The following SCARF1 variants were observed in gnomAD, a reference collection of about 807,000 sequenced individuals.
SCARF1 encodes scavenger receptor class F member 1.
SCARF1 carries 49 observed loss-of-function variants against 76.3 expected under a neutral mutation model. That is an observed-to-expected ratio of 0.64 (90% CI 0.51 to 0.81). The LOEUF is 0.81. Ranked by LOEUF, SCARF1 falls within the 40% of genes least tolerant of loss-of-function variation. The pLI is 0.00. For missense variants in SCARF1, 1,098 were observed against 1,143.9 expected (o/e 0.96, Z 0.58); for synonymous variants, 495 against 474.6 (o/e 1.04, Z -0.56).
Position 1,644,722 on chromosome 17 carries a change from G to A in SCARF1, c.265+112C>T, listed in dbSNP as rs1399586895. Reference sequence around the variant, plus strand: ...GCAATTCCTCAGTGAAGCTGGGGGGGATTCTGGCCCTGCTGTCCTGAGGCT... The same window carrying A: ...GCAATTCCTCAGTGAAGCTGGGGGGAATTCTGGCCCTGCTGTCCTGAGGCT... On this transcript the variant is annotated intron_variant, in intron 3 of 10. Coordinates refer to ENST00000263071, the MANE Select transcript of SCARF1 (RefSeq NM_003693.4). This position sits in a 1 kb window ranked among gnomAD's most constrained non-coding sequence, Gnocchi z 4.8. 5.1e-6 allele frequency: 5 copies of A among 979,832 alleles called. No individual in the cohort carries two copies. Among genetic ancestry groups the A allele is most frequent in the South Asian group, 2.9e-5 (2 of 69,806 alleles). The allele number at this position is 979,832 out of a possible 1,614,324, so 60.7% of individuals were successfully genotyped here.
Position 1,644,895 on chromosome 17 carries a change from C to T in SCARF1, c.204G>A (p.Val68=). The T allele has an allele frequency of 1.2e-6, 2 of 1,613,562 alleles. No homozygotes were observed. Among genetic ancestry groups the T allele is most frequent in the Non-Finnish European group, 1.7e-6 (2 of 1,179,960 alleles). Residue 68 remains valine, a synonymous_variant, in exon 3 of 11, where the codon GTG becomes GTA. Transcript: ENST00000263071. This position sits in a 1 kb window ranked among gnomAD's most constrained non-coding sequence, Gnocchi z 4.8. ...EGPDACQKDE[V]CVKPGLCRCK... Reference sequence around the variant, plus strand: ...ATCGACAGAGGCCCGGCTTCACACACACCTCGTCTTTCTGGCAGGCGTCCG... The same window carrying T: ...ATCGACAGAGGCCCGGCTTCACACATACCTCGTCTTTCTGGCAGGCGTCCG...
chr17:1,643,105 G>C (rs908791006), intron 4 of SCARF1, among the ~76,000 whole-genome samples: 1 of 143,174 alleles, frequency 7.0e-6, no homozygotes, highest in Non-Finnish European at 1.5e-5. Flanking sequence ...ACCTGTCTCC[G>C]CTCCGCCCCG....
rs564168545 is a variant in SCARF1 at position 1,644,916 on chromosome 17, G to A, written c.183C>T (p.Asp61=). ...ECTIPICEGP[D]ACQKDEVCVK... ...CACACACCTCGTCTTTCTGGCAGGCGTCCGGCCCCTCACAGATGGCTGAAA... is the reference window on the plus strand; with the variant it reads ...CACACACCTCGTCTTTCTGGCAGGCATCCGGCCCCTCACAGATGGCTGAAA... Residue 61 remains aspartate (D), a synonymous_variant, in exon 3 of 11, where the codon GAC becomes GAT. Transcript: ENST00000263071. The surrounding 1 kb of genome is among the most constrained non-coding windows in gnomAD (Gnocchi z 4.8). 1.1e-5 allele frequency: 18 copies of A among 1,613,266 alleles called. No individual in the cohort carries two copies. Among genetic ancestry groups the A allele is most frequent in the Middle Eastern group, 1.6e-4 (1 of 6,062 alleles).
chr17:1,640,462 G>A lies in SCARF1; in HGVS notation c.996C>T (p.Gly332=), dbSNP rs1372546675. 3.2e-6 allele frequency: 5 copies of A among 1,559,084 alleles called. No homozygotes were observed. In the African/African-American group the frequency reaches 4.1e-5, roughly 13 times the overall value. The change falls in exon 5 of 11, where the codon GGC becomes GGT. Residue 332 remains glycine (G), a synonymous_variant. Coordinates refer to ENST00000263071, the MANE Select transcript of SCARF1 (RefSeq NM_003693.4). This position sits in a 1 kb window ranked among gnomAD's most constrained non-coding sequence, Gnocchi z 4.7. ...DTGHCQRCDP[G]WLGPRCEDPC... is the part of the protein sequence containing the mutation. ...GGTGCCCTCACCTGGGCCCCAGCCA[G>A]CCAGGGTCACAGCGCTGACAGTGGC...
At position 1,635,018 on chromosome 17, in the gene SCARF1, G is replaced by A. The variant is rs1291541706; in HGVS notation, c.2233C>T (p.Leu745Phe). The change falls in exon 11 of 11, where the codon CTT becomes TTT. Residue 745 changes from leucine (L) to phenylalanine (F), a missense_variant. Leu to Phe is a conservative substitution (Grantham distance 22). Transcript: ENST00000263071. Reference sequence around the variant, plus strand: ...CTCTGGCCGACAGAGCCAGAGGCAAGGCCAGGGCTGCCCTTTTTCCGATTC... The same window carrying A: ...CTCTGGCCGACAGAGCCAGAGGCAAAGCCAGGGCTGCCCTTTTTCCGATTC... ...ALNRKKGSPG[L>F]ASGSVGQSPN... 8.7e-6 allele frequency: 14 copies of A among 1,613,772 alleles called. No individual in the cohort carries two copies. In the African/African-American group the frequency reaches 1.3e-4, roughly 15 times the overall value.
At chr17:1,637,362 ATC>A (rs368438839) in intron 8 of SCARF1, among the ~76,000 whole-genome samples, 1 of 123,726 alleles carries the variant, frequency 8.1e-6, no homozygotes, top group Non-Finnish European at 1.7e-5. Context: ...CTATCTATCT[ATC>A]TATCTATATC....
chr17:1,640,774 C>A lies in SCARF1; in HGVS notation c.792-108G>T. The A allele has an allele frequency of 9.8e-7, 1 of 1,021,522 alleles. No individual in the cohort carries two copies. Among genetic ancestry groups the A allele is most frequent in the Non-Finnish European group, 1.5e-6 (1 of 680,200 alleles). The allele number at this position is 1,021,522 out of a possible 1,614,324, so 63.3% of individuals were successfully genotyped here. On this transcript the variant is annotated intron_variant, in intron 4 of 10. Coordinates refer to ENST00000263071, the MANE Select transcript of SCARF1 (RefSeq NM_003693.4). The surrounding 1 kb of genome is among the most constrained non-coding windows in gnomAD (Gnocchi z 4.7). ...GCCTTCGGGGGCCCTGGAGAGTGTT[C>A]GGGTCCCACCTGGGTCAGGCAGGTT...
Position 1,637,370 on chromosome 17 carries a change from A to ATCTATCTATCTC in SCARF1, c.1365-309_1365-308insGAGATAGATAGA, listed in dbSNP as rs4026394. The stretch of plus-strand genomic sequence containing the variant: ...TATCTATCTATCTATCTATCTATCT[A>ATCTATCTATCTC]TATCTATCCATCTATCTATCATCTA... On this transcript the variant is annotated intron_variant, in intron 8 of 10. Transcript: ENST00000263071. Among the ~76,000 whole-genome samples the ATCTATCTATCTC allele has an allele frequency of 2.3e-4, 28 of 123,326 alleles. 3 individuals are homozygous for ATCTATCTATCTC. Among genetic ancestry groups the ATCTATCTATCTC allele is most frequent in the East Asian group, 9.0e-4 (4 of 4,422 alleles). The allele number at this position is 123,326 out of a possible 152,430, so 80.9% of individuals were successfully genotyped here. A position where few individuals can be genotyped will look rare whatever the true frequency, so the allele number is the denominator to read the frequency against.
chr17:1,645,147 C>G lies in SCARF1; in HGVS notation c.163+31G>C. On this transcript the variant is annotated intron_variant, in intron 2 of 10. Coordinates refer to ENST00000263071, the MANE Select transcript of SCARF1 (RefSeq NM_003693.4). This position sits in a 1 kb window ranked among gnomAD's most constrained non-coding sequence, Gnocchi z 6.3. The stretch of plus-strand genomic sequence containing the variant: ...GTCACTGGGCTACGGCCTCCCTTCT[C>G]CTTGGCTGAGGGTCTGTCCTGGCTA... The G allele has an allele frequency of 6.2e-7, 1 of 1,613,562 alleles. No homozygotes were observed. Among genetic ancestry groups the G allele is most frequent in the Non-Finnish European group, 8.5e-7 (1 of 1,179,774 alleles).
Position 1,644,815 on chromosome 17 carries a change from T to C in SCARF1, c.265+19A>G, listed in dbSNP as rs1910387340. 1.9e-6 allele frequency: 3 copies of C among 1,606,728 alleles called. No individual in the cohort carries two copies. The highest frequency in any genetic ancestry group is 3.4e-5 in the Admixed American group (2 of 59,022). The stretch of plus-strand genomic sequence containing the variant: ...TACCCAGCTCTGCCCAGCAACTTCA[T>C]CTGGCCCTTGAGACTCACGGGAGCT... On this transcript the variant is annotated intron_variant, in intron 3 of 10. Coordinates refer to ENST00000263071, the MANE Select transcript of SCARF1 (RefSeq NM_003693.4). This position sits in a 1 kb window ranked among gnomAD's most constrained non-coding sequence, Gnocchi z 4.8.
In SCARF1 at chr17:1,635,011, G is replaced by C; in HGVS notation, c.2240C>G (p.Ser747Cys). 1 of 1,613,906 alleles carries C rather than the reference G, an allele frequency of 6.2e-7. No homozygotes were observed. The highest frequency in any genetic ancestry group is 8.5e-7 in the Non-Finnish European group (1 of 1,179,892). ...GTTGGGGCTCTGGCCGACAGAGCCA[G>C]AGGCAAGGCCAGGGCTGCCCTTTTT... ...NRKKGSPGLASGSVGQSPNSA... is the reference protein window; with the variant it reads ...NRKKGSPGLACGSVGQSPNSA... The change falls in exon 11 of 11, where the codon TCT becomes TGT. Residue 747 changes from serine (S) to cysteine (C), a missense_variant. Transcript: ENST00000263071.
intron 7 of SCARF1, 123 bp from the exon 8 acceptor site, chr17:1,639,049 C>A (rs1283954779): frequency 9.4e-6 from 10 of 1,067,678 alleles, no homozygotes; most frequent in Non-Finnish European, 1.3e-5. Context: ...TCCGGGCAGC[C>A]CCTCTGCTGG....
At chr17:1,638,551 C>A (rs117255519) in intron 8 of SCARF1, 46 of 328,992 alleles carry the variant, frequency 1.4e-4, no homozygotes, top group African/African-American at 9.2e-4. Flanking sequence ...GACCCGGTGT[C>A]TCCAGTGTCT....
chr17:1,640,644 CATT>C lies in SCARF1; in HGVS notation c.811_813del (p.Asn271del). 6.2e-6 allele frequency: 10 copies of C among 1,612,514 alleles called. No individual in the cohort carries two copies. The highest frequency in any genetic ancestry group is 8.5e-6 in the Non-Finnish European group (10 of 1,179,648). On this transcript the variant is annotated inframe_deletion, in exon 5 of 11. Coordinates refer to ENST00000263071, the MANE Select transcript of SCARF1 (RefSeq NM_003693.4). The surrounding 1 kb of genome is among the most constrained non-coding windows in gnomAD (Gnocchi z 4.7). ...CTGCCTGTGTCTGGAGAGCACGGCT[CATT>C]GTGTTTGCAGCGGCCACAGCTGGGA... is the stretch of plus-strand genomic sequence containing the variant.
chr17:1,643,795 G>A lies in SCARF1; in HGVS notation c.438C>T (p.Gly146=), dbSNP rs371634000. The change falls in exon 4 of 11, where the codon GGC becomes GGT. Residue 146 remains glycine, a synonymous_variant. Coordinates refer to ENST00000263071, the MANE Select transcript of SCARF1 (RefSeq NM_003693.4). Reference sequence around the variant, plus strand: ...ACCAGCCGGGTTCGCAGTGGCACACGCCGGTCGCGGGGTCGCAGCGCCCGT... The same window carrying A: ...ACCAGCCGGGTTCGCAGTGGCACACACCGGTCGCGGGGTCGCAGCGCCCGT... ...GPHGRCDPAT[G]VCHCEPGWWS... The A allele has an allele frequency of 6.2e-5, 79 of 1,268,094 alleles. No homozygotes were observed. In the East Asian group the frequency reaches 1.8e-3, roughly 30 times the overall value. The allele number at this position is 1,268,094 out of a possible 1,614,324, so 78.6% of individuals were successfully genotyped here.
Position 1,634,294 on chromosome 17 carries a change from C to G in SCARF1, c.*464G>C, listed in dbSNP as rs1254096214. The G allele has an allele frequency of 4.4e-6, 1 of 229,390 alleles. No homozygotes were observed. The highest frequency in any genetic ancestry group is 8.7e-5 in the East Asian group (1 of 11,450). 14.2% of individuals were successfully genotyped at this position (229,390 alleles called of 1,614,324 possible). A position where few individuals can be genotyped will look rare whatever the true frequency, so the allele number is the denominator to read the frequency against. ...GTCCCAGCTACTCGGGAGGCTGAGG[C>G]AGGAGAAGGGCGTGAACCCGGGAGG... On this transcript the variant is annotated 3_prime_UTR_variant, in exon 11 of 11. Coordinates refer to ENST00000263071, the MANE Select transcript of SCARF1 (RefSeq NM_003693.4).
chr17:1,643,055 G>A (rs1263082799), intron 4 of SCARF1, among the ~76,000 whole-genome samples: 1 of 152,056 alleles, frequency 6.6e-6, no homozygotes, highest in Admixed American at 6.5e-5. Context: ...GAGGAGCACC[G>A]CGAAGCCCTG....
In SCARF1 at chr17:1,639,631, C is replaced by T; in HGVS notation, c.1243+8G>A. The T allele has an allele frequency of 3.9e-6, 6 of 1,555,388 alleles. No homozygotes were observed. The highest frequency in any genetic ancestry group is 5.2e-6 in the Non-Finnish European group (6 of 1,148,160). ...GCTACTGCACCCCGCAGCCTTCTTC[C>T]ACCTTACCTGGCTGGCAGGACCCAG... is the stretch of plus-strand genomic sequence containing the variant. On this transcript the variant is annotated splice_region_variant and intron_variant, in intron 7 of 10. Transcript: ENST00000263071.
Position 1,645,002 on chromosome 17 carries a change from T to G in SCARF1, c.164-67A>C. 1 of 1,566,660 alleles carries G rather than the reference T, an allele frequency of 6.4e-7. No homozygotes were observed. The highest frequency in any genetic ancestry group is 8.7e-7 in the Non-Finnish European group (1 of 1,148,014). On this transcript the variant is annotated intron_variant, in intron 2 of 10. Coordinates refer to ENST00000263071, the MANE Select transcript of SCARF1 (RefSeq NM_003693.4). The surrounding 1 kb of genome is among the most constrained non-coding windows in gnomAD (Gnocchi z 6.3). ...CCAGGGGACACCCCTGCCCTCTCAC[T>G]GGCTCCAGGGGCCATGCCTCCTCAA...
Sources: gnomAD v4.1 joint callset for allele counts (sites outside exome capture counted in the v4.1 genomes callset) on GRCh38, gnomAD v4.1.1 for gene constraint, Gnocchi (gnomAD v3.1) non-coding constraint, MANE v1.5 for transcripts, NCBI Gene and HGNC (gene_info 2026-07-23, HGNC 2026-07-21) for gene names.